The following WAC variants were observed in gnomAD, a reference collection of about 807,000 sequenced individuals.
WAC encodes the protein WW domain-containing adapter protein with coiled-coil.
In WAC, 11 loss-of-function variants were observed where a neutral mutation model predicts 79.6. That is an observed-to-expected ratio of 0.14 (90% CI 0.09 to 0.23). The LOEUF (loss-of-function observed/expected upper bound fraction) is 0.23, where lower values mean the gene tolerates loss of function less well. WAC is among the 10% of genes least tolerant of loss of function. The pLI, the probability that WAC is intolerant of heterozygous loss-of-function variation, is 1.00. For missense variants in WAC, 728 were observed against 773.5 expected, an observed-to-expected ratio of 0.94 and a Z score of 0.70; for synonymous variants, 304 against 276.9, an observed-to-expected ratio of 1.10 and a Z score of -0.97.
chr10:28,537,578 T>G (rs1427621678), intron 3 of WAC: 2 of 152,208 alleles, frequency 1.3e-5, no homozygotes, highest in African/African-American at 2.4e-5. Context: ...GCCAATTCTT[T>G]TACAGGTGAA....
Position 28,601,170 on chromosome 10 carries a change from G to A in WAC, c.919+5129G>A, listed in dbSNP as rs536814997. Among the ~76,000 whole-genome samples, 12 of 152,182 alleles carry A rather than the reference G, an allele frequency of 7.9e-5. No individual in the cohort carries two copies. In the South Asian group the frequency reaches 1.2e-3, roughly 16 times the overall value. On this transcript the variant is annotated intron_variant, in intron 7 of 13. Transcript: ENST00000354911. Reference sequence around the variant, plus strand: ...TAGAATGAAAATATTTGTAAATCACGTATGTTGATAAGGGATGAATGAATA... The same window carrying A: ...TAGAATGAAAATATTTGTAAATCACATATGTTGATAAGGGATGAATGAATA...
At chr10:28,582,760 T>G (rs1839603627) in intron 3 of WAC, among the ~76,000 whole-genome samples, 1 of 152,210 alleles carries the variant, frequency 6.6e-6, no homozygotes, top group South Asian at 2.1e-4. Context: ...TTTTCTGTGG[T>G]CACTGACATA....
At chr10:28,554,707 T>G (rs1837884657) in intron 3 of WAC, among the ~76,000 whole-genome samples, 1 of 152,218 alleles carries the variant, frequency 6.6e-6, no homozygotes, top group Non-Finnish European at 1.5e-5. Flanking sequence ...AATCTTTTAT[T>G]GCCCTTAAAA....
intron 3 of WAC, among the ~76,000 whole-genome samples, chr10:28,550,963 AT>A (rs1227362756): frequency 1.3e-5 from 2 of 152,302 alleles, no homozygotes; most frequent in East Asian, 1.9e-4. Flanking sequence ...GACATTTTAA[AT>A]TTTGCAGTTC....
intron 3 of WAC, among the ~76,000 whole-genome samples, chr10:28,541,668 C>G (rs1837059006): frequency 6.6e-6 from 1 of 151,896 alleles, no homozygotes; most frequent in Non-Finnish European, 1.5e-5. Flanking sequence ...TTGAAATAGG[C>G]TGATCAGTAT....
At chr10:28,594,134 A>G (rs1412971354) in intron 6 of WAC, among the ~76,000 whole-genome samples, 1 of 152,114 alleles carries the variant, frequency 6.6e-6, no homozygotes, top group African/African-American at 2.4e-5. Flanking sequence ...TGTTACAGCT[A>G]TAGCGTCCCC....
At chr10:28,606,786 G>A (rs1025025294) in intron 7 of WAC, among the ~76,000 whole-genome samples, 1 of 152,090 alleles carries the variant, frequency 6.6e-6, no homozygotes, top group Admixed American at 6.5e-5. Flanking sequence ...TTTCACTGAG[G>A]GTGTGTACCT....
intron 4 of WAC, among the ~76,000 whole-genome samples, chr10:28,587,856 G>A (rs779091862): frequency 1.8e-4 from 27 of 152,038 alleles, no homozygotes; most frequent in Non-Finnish European, 3.1e-4. Context: ...GCTCGGGTTT[G>A]TGAACTTTCT....
chr10:28,580,674 T>A (rs113950859), intron 3 of WAC, among the ~76,000 whole-genome samples: 5 of 152,304 alleles, frequency 3.3e-5, no homozygotes, highest in African/African-American at 9.6e-5. Context: ...GCATATATAT[T>A]CTAGTAGTCC....
At chr10:28,572,404 TG>T (rs1436791882) in intron 3 of WAC, among the ~76,000 whole-genome samples, 1 of 150,220 alleles carries the variant, frequency 6.7e-6, no homozygotes, top group Non-Finnish European at 1.5e-5. Flanking sequence ...TTAAATTTGG[TG>T]GTCAAGAAAG....
intron 3 of WAC, among the ~76,000 whole-genome samples, chr10:28,568,046 G>T (rs1020760682): frequency 1.3e-5 from 2 of 152,158 alleles, no homozygotes; most frequent in African/African-American, 4.8e-5. Flanking sequence ...CCTCAGTATG[G>T]ATTTAATTTG....
At chr10:28,603,940 AAAATATATATATGTATGTATG>A (rs1564413419) in intron 7 of WAC, among the ~76,000 whole-genome samples, 9 of 25,910 alleles carry the variant, frequency 3.5e-4, no homozygotes, top group Non-Finnish European at 5.1e-4. Context: ...TCTCAAAAAA[AAAATATATATATGTATGTATG>A]TATATATATA....
At chr10:28,562,193 A>T (rs1838335890) in intron 3 of WAC, among the ~76,000 whole-genome samples, 1 of 152,046 alleles carries the variant, frequency 6.6e-6, no homozygotes, top group African/African-American at 2.4e-5. Flanking sequence ...AGTAGCTGGG[A>T]TTGTAGGTGT....
chr10:28,534,224 A>AT (rs1237714276), intron 2 of WAC, 190 bp downstream of exon 2: 4 of 488,718 alleles, frequency 8.2e-6, no homozygotes, highest in Middle Eastern at 3.9e-4. Flanking sequence ...TTAGTGACTT[A>AT]TTTTGACAGG....
intron 3 of WAC, among the ~76,000 whole-genome samples, chr10:28,540,330 A>C (rs185828502): frequency 6.6e-6 from 1 of 152,232 alleles, no homozygotes; most frequent in Non-Finnish European, 1.5e-5. Context: ...GTCAGAGATT[A>C]AACACTTGGG....
chr10:28,542,378 A>G (rs1837102669), intron 3 of WAC, among the ~76,000 whole-genome samples: 1 of 152,232 alleles, frequency 6.6e-6, no homozygotes, highest in Non-Finnish European at 1.5e-5. Flanking sequence ...GGTGCTGTGC[A>G]ACATTGCACC....
Position 28,622,321 on chromosome 10 carries a change from T to C in WAC, c.*2715T>C, listed in dbSNP as rs1014227027. The C allele has an allele frequency of 2.6e-5, 4 of 151,084 alleles. No homozygotes were observed. The highest frequency in any genetic ancestry group is 6.6e-5 in the Admixed American group (1 of 15,066). The allele number at this position is 151,084 out of a possible 1,614,324, so 9.4% of individuals were successfully genotyped here. A position where few individuals can be genotyped will look rare whatever the true frequency, so the allele number is the denominator to read the frequency against. On this transcript the variant is annotated 3_prime_UTR_variant, in exon 14 of 14. Transcript: ENST00000354911. ...TAATGTTCTGGACTAGAGTATTCCT[T>C]ATCTAGTTGGTTATGGATTTGAACA...
chr10:28,619,174 G>C (rs1186183295), intron 13 of WAC, among the ~76,000 whole-genome samples: 3 of 152,178 alleles, frequency 2.0e-5, no homozygotes, highest in Non-Finnish European at 4.4e-5. Context: ...AGCTACTCAG[G>C]AGGCTGAGGC....
intron 7 of WAC, among the ~76,000 whole-genome samples, chr10:28,604,775 C>T (rs979903135): frequency 3.9e-5 from 6 of 151,972 alleles, no homozygotes; most frequent in African/African-American, 1.5e-4. Flanking sequence ...GTTCCTAGTA[C>T]AAAGGAGGGA....
Sources: gnomAD v4.1 joint callset for allele counts (sites outside exome capture counted in the v4.1 genomes callset) on GRCh38, gnomAD v4.1.1 for gene constraint, MANE v1.5 for transcripts, NCBI Gene and HGNC (gene_info 2026-07-23, HGNC 2026-07-21) for gene names.